Variants in BRIP1 observed in about 807,000 individuals in gnomAD.
The protein encoded by BRIP1 is BRCA1 interacting DNA helicase 1.
BRIP1 carries 88 observed loss-of-function variants against 119.7 expected under a neutral mutation model. The observed-to-expected ratio is 0.74, with a 90% CI of 0.62 to 0.88. The LOEUF is 0.88. Ranked by LOEUF, BRIP1 falls within the 40% of genes least tolerant of loss-of-function variation. The pLI is 0.00. For synonymous variants in BRIP1, 443 were observed against 496.5 expected (o/e 0.89, Z 1.43); for missense variants, 1,259 against 1,455.4 (o/e 0.87, Z 2.20).
rs964172124 is a variant in BRIP1, at chr17:61,832,429, A to G, written c.627+14672T>C. ...AGTCCTCTTTTATAAAGGCAAAAAG[A>G]TAACTGTAAAGTTATATTTTTTACC... is the stretch of plus-strand genomic sequence containing the variant. On this transcript the variant is annotated intron_variant, in intron 6 of 19. Coordinates refer to ENST00000259008, the MANE Select transcript of BRIP1 (RefSeq NM_032043.3). This position sits in a 1 kb window ranked among gnomAD's most constrained non-coding sequence, Gnocchi z 5.5. 6.6e-6 allele frequency among the ~76,000 whole-genome samples: 1 copy of G among 152,252 alleles called. No homozygotes were observed. Among genetic ancestry groups the G allele is most frequent in the South Asian group, 2.1e-4 (1 of 4,834 alleles).
chr17:61,732,666 G>T (rs748516295), intron 16 of BRIP1, among the ~76,000 whole-genome samples: 2 of 152,048 alleles, frequency 1.3e-5, no homozygotes, highest in Non-Finnish European at 2.9e-5. Context: ...GAATGAATAA[G>T]TGCATGACAA....
chr17:61,839,080 C>A (rs1369416156), intron 6 of BRIP1, among the ~76,000 whole-genome samples: 1 of 152,034 alleles, frequency 6.6e-6, no homozygotes, highest in Non-Finnish European at 1.5e-5. Context: ...AAAATATTTA[C>A]TCCCCTATGA....
At position 61,815,733 on chromosome 17, in the gene BRIP1, T is replaced by C. The variant is rs376996086; in HGVS notation, c.628-6976A>G. On this transcript the variant is annotated intron_variant, in intron 6 of 19. Coordinates refer to ENST00000259008, the MANE Select transcript of BRIP1 (RefSeq NM_032043.3). This position sits in a 1 kb window ranked among gnomAD's most constrained non-coding sequence, Gnocchi z 4.1. ...TCTTTAAAGTGAAGCTTTAACAGGA[T>C]TGTTTTCATCTACCACTTAAGCAAA... Among the ~76,000 whole-genome samples, 1 of 152,320 alleles carries C rather than the reference T, an allele frequency of 6.6e-6. No homozygotes were observed. Among genetic ancestry groups the C allele is most frequent in the South Asian group, 2.1e-4 (1 of 4,832 alleles).
rs776145089 is a variant in BRIP1 at position 61,722,733 on chromosome 17, T to C, written c.2380-6670A>G. On this transcript the variant is annotated intron_variant, in intron 16 of 19. Coordinates refer to ENST00000259008, the MANE Select transcript of BRIP1 (RefSeq NM_032043.3). The surrounding 1 kb of genome is among the most constrained non-coding windows in gnomAD (Gnocchi z 4.6). ...ATAAATGGAATATTTAGAGTGAATG[T>C]AGCAACTATTAGATTAAATAAAATT... Among the ~76,000 whole-genome samples the C allele has an allele frequency of 2.6e-5, 4 of 152,236 alleles. No homozygotes were observed. The highest frequency in any genetic ancestry group is 4.4e-5 in the Non-Finnish European group (3 of 68,034).
rs2061585130 is a variant in BRIP1 at position 61,699,794 on chromosome 17, C to T, written c.2493-6282G>A. ...GTAAACAATATATTAATGCTGAATACTCATTCTCCTTTTGAGAGTCTAGTC... is the reference window on the plus strand; with the variant it reads ...GTAAACAATATATTAATGCTGAATATTCATTCTCCTTTTGAGAGTCTAGTC... On this transcript the variant is annotated intron_variant, in intron 17 of 19. Coordinates refer to ENST00000259008, the MANE Select transcript of BRIP1 (RefSeq NM_032043.3). This position sits in a 1 kb window ranked among gnomAD's most constrained non-coding sequence, Gnocchi z 4.8. Among the ~76,000 whole-genome samples, 1 of 152,192 alleles carries T rather than the reference C, an allele frequency of 6.6e-6. No homozygotes were observed. Among genetic ancestry groups the T allele is most frequent in the Non-Finnish European group, 1.5e-5 (1 of 68,030 alleles).
Position 61,857,205 on chromosome 17 carries a change from C to CACTT in BRIP1, c.228_231dup (p.Glu78LysfsTer2). The CACTT allele has an allele frequency of 6.2e-7, 1 of 1,613,904 alleles. No individual in the cohort carries two copies. The highest frequency in any genetic ancestry group is 1.1e-5 in the South Asian group (1 of 91,052). On this transcript the variant is annotated frameshift_variant, in exon 4 of 20. Coordinates refer to ENST00000259008, the MANE Select transcript of BRIP1 (RefSeq NM_032043.3). LOFTEE classifies it high-confidence loss of function. This position sits in a 1 kb window ranked among gnomAD's most constrained non-coding sequence, Gnocchi z 5.1. ...CATGACAATTGTACTTCAGCTTTTT[C>CACTT]ACTTACGCCCTCATCTGCTGGTTTC...
chr17:61,858,734 C>CACAT (rs758131177), intron 3 of BRIP1, among the ~76,000 whole-genome samples: 12 of 152,034 alleles, frequency 7.9e-5, no homozygotes, highest in South Asian at 2.1e-4. Flanking sequence ...TACCTATATA[C>CACAT]ACATACATAC....
rs2078497698 is a variant in BRIP1 at position 61,831,871 on chromosome 17, A to G, written c.627+15230T>C. 6.6e-6 allele frequency among the ~76,000 whole-genome samples: 1 copy of G among 152,218 alleles called. No individual in the cohort carries two copies. The highest frequency in any genetic ancestry group is 1.5e-5 in the Non-Finnish European group (1 of 68,030). Reference sequence around the variant, plus strand: ...TTAGAATGGGCCCTCTGGTACTGGAATGGAACTGGATGTATTGGTATAAAC... The same window carrying G: ...TTAGAATGGGCCCTCTGGTACTGGAGTGGAACTGGATGTATTGGTATAAAC... On this transcript the variant is annotated intron_variant, in intron 6 of 19. Coordinates refer to ENST00000259008, the MANE Select transcript of BRIP1 (RefSeq NM_032043.3). The surrounding 1 kb of genome is among the most constrained non-coding windows in gnomAD (Gnocchi z 4.1).
chr17:61,682,980 A>C lies in BRIP1; in HGVS notation c.*316T>G. 3.5e-6 allele frequency: 1 copy of C among 289,498 alleles called. No homozygotes were observed. Among genetic ancestry groups the C allele is most frequent in the East Asian group, 6.0e-5 (1 of 16,664 alleles). 17.9% of individuals were successfully genotyped at this position (289,498 alleles called of 1,614,324 possible). A position where few individuals can be genotyped will look rare whatever the true frequency, so the allele number is the denominator to read the frequency against. ...AACCCCATCTCTACTAAAAATACAA[A>C]AACTAGCTGGGCATGGTGGTGCACA... On this transcript the variant is annotated 3_prime_UTR_variant, in exon 20 of 20. Transcript: ENST00000259008. This position sits in a 1 kb window ranked among gnomAD's most constrained non-coding sequence, Gnocchi z 4.9.
Position 61,770,233 on chromosome 17 carries a change from T to C in BRIP1, c.2097+6168A>G, listed in dbSNP as rs2077428382. On this transcript the variant is annotated intron_variant, in intron 14 of 19. Coordinates refer to ENST00000259008, the MANE Select transcript of BRIP1 (RefSeq NM_032043.3). The surrounding 1 kb of genome is among the most constrained non-coding windows in gnomAD (Gnocchi z 4.7). ...GTCATGCTAAAAGACTGAGACATAATCATAGGATTAGAAGATGCTTCCTGT... is the reference window on the plus strand; with the variant it reads ...GTCATGCTAAAAGACTGAGACATAACCATAGGATTAGAAGATGCTTCCTGT... Among the ~76,000 whole-genome samples, 1 of 152,182 alleles carries C rather than the reference T, an allele frequency of 6.6e-6. No individual in the cohort carries two copies. The highest frequency in any genetic ancestry group is 1.5e-5 in the Non-Finnish European group (1 of 68,020).
rs557726252 is a variant in BRIP1 at position 61,703,489 on chromosome 17, G to A, written c.2493-9977C>T. On this transcript the variant is annotated intron_variant, in intron 17 of 19. Coordinates refer to ENST00000259008, the MANE Select transcript of BRIP1 (RefSeq NM_032043.3). This position sits in a 1 kb window ranked among gnomAD's most constrained non-coding sequence, Gnocchi z 5.0. ...ATGTCCTTTGGCCACTTTTTAATGG[G>A]GTTGTTTTTTGCTTGTCAATTTAAG... Among the ~76,000 whole-genome samples, 44 of 152,244 alleles carry A rather than the reference G, an allele frequency of 2.9e-4. No homozygotes were observed. Among genetic ancestry groups the A allele is most frequent in the African/African-American group, 9.6e-4 (40 of 41,540 alleles).
In BRIP1 at chr17:61,793,177, A is replaced by G. The variant is rs948614416; in HGVS notation, c.1473+420T>C. On this transcript the variant is annotated intron_variant, in intron 10 of 19. Coordinates refer to ENST00000259008, the MANE Select transcript of BRIP1 (RefSeq NM_032043.3). This position sits in a 1 kb window ranked among gnomAD's most constrained non-coding sequence, Gnocchi z 5.2. ...CTCATAAAATTTTGCATATAGCTTC[A>G]TAAGTTTCATAGTCTTCCAAAGCCT... Among the ~76,000 whole-genome samples, 1 of 152,168 alleles carries G rather than the reference A, an allele frequency of 6.6e-6. No homozygotes were observed. Among genetic ancestry groups the G allele is most frequent in the Non-Finnish European group, 1.5e-5 (1 of 68,012 alleles).
chr17:61,789,094 C>CAAAAAAAAAA lies in BRIP1; in HGVS notation c.1473+4502_1473+4503insTTTTTTTTTT, dbSNP rs2077777089. 6.6e-6 allele frequency among the ~76,000 whole-genome samples: 1 copy of CAAAAAAAAAA among 151,664 alleles called. No individual in the cohort carries two copies. Among genetic ancestry groups the CAAAAAAAAAA allele is most frequent in the Non-Finnish European group, 1.5e-5 (1 of 67,912 alleles). Reference sequence around the variant, plus strand: ...TGGTTAACAGAGTGAGATTCTGTCTCAAAATAAATAAAAAAATAAGTAATT... The same window carrying CAAAAAAAAAA: ...TGGTTAACAGAGTGAGATTCTGTCTCAAAAAAAAAAAAAATAAATAAAAAAATAAGTAATT... On this transcript the variant is annotated intron_variant, in intron 10 of 19. Coordinates refer to ENST00000259008, the MANE Select transcript of BRIP1 (RefSeq NM_032043.3). This position sits in a 1 kb window ranked among gnomAD's most constrained non-coding sequence, Gnocchi z 4.8.
chr17:61,861,168 ACT>A lies in BRIP1; in HGVS notation c.93+277_93+278del, dbSNP rs1025176499. ...GTATTCTGTGTAAAAGATAGTAAATACTCTGTTTTTACTTAAAAGTATAGCAG... is the reference window on the plus strand; with the variant it reads ...GTATTCTGTGTAAAAGATAGTAAATACTGTTTTTACTTAAAAGTATAGCAG... On this transcript the variant is annotated intron_variant, in intron 2 of 19. Transcript: ENST00000259008. This position sits in a 1 kb window ranked among gnomAD's most constrained non-coding sequence, Gnocchi z 4.5. Among the ~76,000 whole-genome samples the A allele has an allele frequency of 2.0e-5, 3 of 152,138 alleles. No individual in the cohort carries two copies. The highest frequency in any genetic ancestry group is 7.2e-5 in the African/African-American group (3 of 41,438).
Position 61,780,174 on chromosome 17 carries a change from G to T in BRIP1, c.1935+87C>A, listed in dbSNP as rs2077591891. On this transcript the variant is annotated intron_variant, in intron 13 of 19. Transcript: ENST00000259008. The surrounding 1 kb of genome is among the most constrained non-coding windows in gnomAD (Gnocchi z 5.4). ...ATTTCCTACCAAGATTTACTTGCTG[G>T]CACTTCAGGTATCTTCTAACTTGTT... 7.3e-7 allele frequency: 1 copy of T among 1,369,204 alleles called. No individual in the cohort carries two copies. The highest frequency in any genetic ancestry group is 1.0e-6 in the Non-Finnish European group (1 of 979,070). 84.8% of individuals were successfully genotyped at this position (1,369,204 alleles called of 1,614,324 possible). A position where few individuals can be genotyped will look rare whatever the true frequency, so the allele number is the denominator to read the frequency against.
At position 61,776,257 on chromosome 17, in the gene BRIP1, A is replaced by G. The variant is rs2077530624; in HGVS notation, c.2097+144T>C. ...TCTTAATCAAAAAATAAGTAAAATA[A>G]TATGTGATGTTTAGAAAACTATAGT... On this transcript the variant is annotated intron_variant, in intron 14 of 19. Transcript: ENST00000259008. The surrounding 1 kb of genome is among the most constrained non-coding windows in gnomAD (Gnocchi z 5.0). 1.2e-6 allele frequency: 1 copy of G among 851,250 alleles called. No homozygotes were observed. Among genetic ancestry groups the G allele is most frequent in the Non-Finnish European group, 1.8e-6 (1 of 541,244 alleles). 52.7% of individuals were successfully genotyped at this position (851,250 alleles called of 1,614,324 possible).
rs2061641940 is a variant in BRIP1, at chr17:61,703,135, A to C, written c.2493-9623T>G. 6.6e-6 allele frequency among the ~76,000 whole-genome samples: 1 copy of C among 151,790 alleles called. No homozygotes were observed. Among genetic ancestry groups the C allele is most frequent in the Non-Finnish European group, 1.5e-5 (1 of 67,906 alleles). Reference sequence around the variant, plus strand: ...GCTGAAGTGCAGTGGCACAATCCCAACTCACTGCAAACTCCACCTCCCGGG... The same window carrying C: ...GCTGAAGTGCAGTGGCACAATCCCACCTCACTGCAAACTCCACCTCCCGGG... On this transcript the variant is annotated intron_variant, in intron 17 of 19. Coordinates refer to ENST00000259008, the MANE Select transcript of BRIP1 (RefSeq NM_032043.3). The surrounding 1 kb of genome is among the most constrained non-coding windows in gnomAD (Gnocchi z 5.0).
chr17:61,685,480 T>C, intron 19 of BRIP1: 1 of 295,172 alleles, frequency 3.4e-6, no homozygotes, highest in South Asian at 7.4e-5. Flanking sequence ...ACTTACATGG[T>C]ACTTTACAAT....
At position 61,700,672 on chromosome 17, in the gene BRIP1, T is replaced by C. The variant is rs1415588524; in HGVS notation, c.2493-7160A>G. Among the ~76,000 whole-genome samples, 1 of 152,206 alleles carries C rather than the reference T, an allele frequency of 6.6e-6. No homozygotes were observed. Among genetic ancestry groups the C allele is most frequent in the Non-Finnish European group, 1.5e-5 (1 of 68,042 alleles). On this transcript the variant is annotated intron_variant, in intron 17 of 19. Coordinates refer to ENST00000259008, the MANE Select transcript of BRIP1 (RefSeq NM_032043.3). This position sits in a 1 kb window ranked among gnomAD's most constrained non-coding sequence, Gnocchi z 4.1. ...CTTGGAGTTCGCTTATCTTCTTGGA[T>C]GTATAAATTAACGTTTTTCATCAAA...
Sources: gnomAD v4.1 joint callset for allele counts (sites outside exome capture counted in the v4.1 genomes callset) on GRCh38, gnomAD v4.1.1 for gene constraint, Gnocchi (gnomAD v3.1) non-coding constraint, MANE v1.5 for transcripts, NCBI Gene and HGNC (gene_info 2026-07-23, HGNC 2026-07-21) for gene names.